SLC9A6: variants seen among roughly 807,000 people sequenced by gnomAD.
SLC9A6 encodes the protein sodium/hydrogen exchanger 6.
Under a neutral mutation model 45.3 loss-of-function variants are expected in SLC9A6, and 6 were observed. The ratio of observed to expected loss-of-function variants is 0.13; its 90% CI spans 0.07 to 0.26. The LOEUF is 0.26. Ranked by LOEUF, SLC9A6 falls within the 10% of genes least tolerant of loss-of-function variation. The pLI, the probability that SLC9A6 is intolerant of heterozygous loss-of-function variation, is 1.00. For synonymous variants in SLC9A6, 191 were observed against 187.7 expected, an observed-to-expected ratio of 1.02 and a Z score of -0.14; for missense variants, 278 against 503.7, an observed-to-expected ratio of 0.55 and a Z score of 4.29.
intron 11 of SLC9A6, among the ~76,000 whole-genome samples, chrX:136,017,106 G>A (rs1216003113): frequency 2.7e-5 from 3 of 111,184 alleles, no homozygotes; most frequent in Non-Finnish European, 5.7e-5. Context: ...CGAAAGATAA[G>A]GAAACGTTGA....
chrX:136,036,779 GA>G (rs1428093960), intron 16 of SLC9A6, among the ~76,000 whole-genome samples: 2 of 112,924 alleles, frequency 1.8e-5, no homozygotes, highest in African/African-American at 6.4e-5. Context: ...TGTGTCTTAA[GA>G]AATCTTCCAT....
In SLC9A6 at chrX:136,023,185, A is replaced by ATG. The variant is rs1193275114; in HGVS notation, c.1306+489_1306+490insGT. On this transcript the variant is annotated intron_variant, in intron 12 of 17. Transcript: ENST00000630721. ...AATGTATATATATATATATATATAT[A>ATG]TATATATATATATATATATATATAT... Among the ~76,000 whole-genome samples the ATG allele has an allele frequency of 4.4e-4, 15 of 34,143 alleles. 1 individual carries two copies. Among genetic ancestry groups the ATG allele is most frequent in the African/African-American group, 2.5e-3 (15 of 5,992 alleles). The allele number at this position is 34,143 out of a possible 115,157, so 29.6% of individuals were successfully genotyped here. A position where few individuals can be genotyped will look rare whatever the true frequency, so the allele number is the denominator to read the frequency against.
chrX:135,993,482 G>T (rs1556616036), intron 2 of SLC9A6, among the ~76,000 whole-genome samples: 1 of 112,065 alleles, frequency 8.9e-6, no homozygotes. Context: ...AACAATTATA[G>T]TCGATCAATA....
At chrX:136,015,713 CTTATTT>C (rs1204142132) in intron 10 of SLC9A6, among the ~76,000 whole-genome samples, 11 of 111,670 alleles carry the variant, frequency 9.9e-5, no homozygotes, top group Non-Finnish European at 1.7e-4. Flanking sequence ...TATACGCTTA[CTTATTT>C]TAATTTTTAT....
At chrX:136,041,781 T>C (rs1174962790) in intron 17 of SLC9A6, among the ~76,000 whole-genome samples, 1 of 112,137 alleles carries the variant, frequency 8.9e-6, no homozygotes, top group Non-Finnish European at 1.9e-5. Context: ...TAGAAACTTA[T>C]CATCTCTTAT....
intron 2 of SLC9A6, among the ~76,000 whole-genome samples, chrX:135,986,053 A>C (rs1603185455): frequency 9.7e-6 from 1 of 102,960 alleles, no homozygotes; most frequent in Non-Finnish European, 2.0e-5. Context: ...TTCGCTTCCG[A>C]CCCCACCCCC....
chrX:136,039,313 AAATG>A (rs1198976955), intron 16 of SLC9A6, among the ~76,000 whole-genome samples: 4 of 110,827 alleles, frequency 3.6e-5, no homozygotes, highest in Non-Finnish European at 5.7e-5. Context: ...AAAAAAAAAT[AAATG>A]AATAAATAAA....
At chrX:136,005,266 T>C (rs2089639586) in intron 7 of SLC9A6, among the ~76,000 whole-genome samples, 1 of 112,875 alleles carries the variant, frequency 8.9e-6, no homozygotes, top group Non-Finnish European at 1.9e-5. Context: ...CTTGGAGTTA[T>C]AAATAATCTA....
At chrX:136,021,019 A>G (rs989190021) in intron 11 of SLC9A6, among the ~76,000 whole-genome samples, 2 of 110,322 alleles carry the variant, frequency 1.8e-5, no homozygotes, top group Non-Finnish European at 3.8e-5. Flanking sequence ...TCTGAGCACT[A>G]GGTGTGCTCA....
Position 136,002,232 on chromosome X carries a change from AT to A in SLC9A6, c.743+21del. 9.6e-7 allele frequency: 1 copy of A among 1,039,012 alleles called. No individual in the cohort carries two copies. Among genetic ancestry groups the A allele is most frequent in the Non-Finnish European group, 1.4e-6 (1 of 738,208 alleles). The allele number at this position is 1,039,012 out of a possible 1,213,427, so 85.6% of individuals were successfully genotyped here. A position where few individuals can be genotyped will look rare whatever the true frequency, so the allele number is the denominator to read the frequency against. On this transcript the variant is annotated intron_variant, in intron 7 of 17. Transcript: ENST00000630721. Reference sequence around the variant, plus strand: ...TGTCCTCGTAAGTGTTTGTTTTCTTATTATATTCTGAATATTAAGTGTGAGG... The same window carrying A: ...TGTCCTCGTAAGTGTTTGTTTTCTTATATATTCTGAATATTAAGTGTGAGG...
At chrX:136,020,982 A>T (rs2071117467) in intron 11 of SLC9A6, among the ~76,000 whole-genome samples, 1 of 108,502 alleles carries the variant, frequency 9.2e-6, no homozygotes, top group Admixed American at 1.0e-4. Context: ...GGTTCCTTTT[A>T]TTGGAGAATA....
intron 7 of SLC9A6, among the ~76,000 whole-genome samples, chrX:136,002,598 A>G (rs1556617502): frequency 3.7e-5 from 4 of 109,353 alleles, no homozygotes; most frequent in South Asian, 3.9e-4. Context: ...GTCTCACTCT[A>G]TCACACAGGC....
rs959845251 is a variant in SLC9A6 at position 136,045,721 on chromosome X, T to A, written c.*997T>A. ...AGCCAAACAGGAGCAAAATGTAAAA[T>A]TTTTGAACTTACTGTGTCTAATCAT... On this transcript the variant is annotated 3_prime_UTR_variant, in exon 18 of 18. Transcript: ENST00000630721. 1.8e-5 allele frequency: 2 copies of A among 112,555 alleles called. No individual in the cohort carries two copies. Among genetic ancestry groups the A allele is most frequent in the Admixed American group, 9.5e-5 (1 of 10,557 alleles). The allele number at this position is 112,555 out of a possible 1,213,427, so 9.3% of individuals were successfully genotyped here.
intron 2 of SLC9A6, among the ~76,000 whole-genome samples, chrX:135,986,311 T>C (rs951603924): frequency 2.7e-4 from 30 of 110,677 alleles, no homozygotes; most frequent in Non-Finnish European, 5.1e-4. Context: ...ACTCAACACC[T>C]AGCTCCTGCT....
At position 136,028,872 on chromosome X, in the gene SLC9A6, C is replaced by T. The variant is rs1489608747; in HGVS notation, c.1461-14C>T. 1.0e-5 allele frequency: 3 copies of T among 294,343 alleles called. No homozygotes were observed. Among genetic ancestry groups the T allele is most frequent in the Admixed American group, 6.2e-5 (1 of 16,089 alleles). The allele number at this position is 294,343 out of a possible 1,213,427, so 24.3% of individuals were successfully genotyped here. A position where few individuals can be genotyped will look rare whatever the true frequency, so the allele number is the denominator to read the frequency against. On this transcript the variant is annotated splice_polypyrimidine_tract_variant and intron_variant, in intron 13 of 17. Transcript: ENST00000630721. ...ATTTAATCAATAAACATTTGAGCAC[C>T]TATTGTGTGTCAGGTACTGTGCTAG...
At chrX:136,033,321 A>G (rs2071359248) in intron 15 of SLC9A6, 93 bp from the exon 16 acceptor site, 4 of 534,486 alleles carry the variant, frequency 7.5e-6, no homozygotes, top group Non-Finnish European at 1.3e-5. Flanking sequence ...CTTATAATAT[A>G]GTAGCCTCTA....
intron 11 of SLC9A6, among the ~76,000 whole-genome samples, chrX:136,017,409 C>A (rs1453715725): frequency 9.4e-6 from 1 of 106,207 alleles, no homozygotes; most frequent in Non-Finnish European, 1.9e-5. Context: ...CAAAGGGAGA[C>A]CCTGTCTCAA....
chrX:135,995,130 A>G, intron 3 of SLC9A6, 145 bp downstream of exon 3: 3 of 461,364 alleles, frequency 6.5e-6, no homozygotes, highest in Non-Finnish European at 1.1e-5. Flanking sequence ...AACAAATGTA[A>G]TAATGTAAGG....
At chrX:135,987,756 A>C (rs2089362162) in intron 2 of SLC9A6, among the ~76,000 whole-genome samples, 1 of 111,153 alleles carries the variant, frequency 9.0e-6, no homozygotes, top group Non-Finnish European at 1.9e-5. Flanking sequence ...CTGCTTTAGA[A>C]TCAGACCTAG....
Sources: gnomAD v4.1 joint callset for allele counts (sites outside exome capture counted in the v4.1 genomes callset) on GRCh38, gnomAD v4.1.1 for gene constraint, MANE v1.5 for transcripts, NCBI Gene and HGNC (gene_info 2026-07-23, HGNC 2026-07-21) for gene names.